Variants in HUNK observed in about 807,000 individuals in gnomAD.
The protein encoded by HUNK is hormonally up-regulated neu tumor-associated kinase.
A neutral mutation model predicts 61.0 loss-of-function variants in HUNK; 21 were observed. The observed-to-expected ratio is 0.34, with a 90% CI of 0.24 to 0.50. The LOEUF is 0.50. Among genes scored for constraint, HUNK ranks in the 20% least tolerant of loss-of-function variants. The probability of loss-of-function intolerance (pLI) is 0.98; values close to 1 mark genes in which losing one functional copy is unlikely to be tolerated. For missense variants in HUNK, 772 were observed against 945.7 expected (o/e 0.82, Z 2.41); for synonymous variants, 371 against 386.1 (o/e 0.96, Z 0.46).
At chr21:31,925,336 G>A (rs1168998373) in intron 2 of HUNK, among the ~76,000 whole-genome samples, 1 of 152,188 alleles carries the variant, frequency 6.6e-6, no homozygotes, top group East Asian at 1.9e-4. Context: ...CTCAGTTGGA[G>A]TAAAGGTCAA....
intron 6 of HUNK, 84 bp downstream of exon 6, chr21:31,968,469 C>A: frequency 6.5e-7 from 1 of 1,529,854 alleles, no homozygotes; most frequent in South Asian, 1.2e-5. Context: ...AGAAAGCTGT[C>A]CGTGATTGAA....
intron 1 of HUNK, among the ~76,000 whole-genome samples, chr21:31,911,938 A>G (rs975505837): frequency 1.3e-4 from 19 of 145,780 alleles, no homozygotes; most frequent in African/African-American, 4.8e-4. Flanking sequence ...GACGATAGTC[A>G]CTGCCTTGGG....
chr21:31,949,725 A>T (rs1009446316), intron 4 of HUNK, among the ~76,000 whole-genome samples: 2 of 152,200 alleles, frequency 1.3e-5, no homozygotes, highest in Non-Finnish European at 2.9e-5. Context: ...TATTTGGCTC[A>T]TGGTTCTGCA....
At chr21:31,992,508 G>A (rs2053178112) in intron 9 of HUNK, among the ~76,000 whole-genome samples, 1 of 152,322 alleles carries the variant, frequency 6.6e-6, no homozygotes. Flanking sequence ...ATCTGCCTTG[G>A]GGGATTTGGA....
chr21:31,881,620 A>C (rs1358931215), intron 1 of HUNK, among the ~76,000 whole-genome samples: 1 of 152,260 alleles, frequency 6.6e-6, no homozygotes, highest in South Asian at 2.1e-4. Flanking sequence ...CAAAAACTCC[A>C]TAACAACAGC....
intron 1 of HUNK, among the ~76,000 whole-genome samples, chr21:31,882,084 G>A (rs536132910): frequency 5.6e-4 from 85 of 152,220 alleles, no homozygotes; most frequent in African/African-American, 1.9e-3. Flanking sequence ...CCCATCACTC[G>A]TGAGTGGTGG....
chr21:31,964,132 T>C (rs2052947559), intron 5 of HUNK, among the ~76,000 whole-genome samples: 1 of 152,180 alleles, frequency 6.6e-6, no homozygotes, highest in Admixed American at 6.5e-5. Flanking sequence ...TATAATACAT[T>C]CCAAGCAGTC....
chr21:32,002,742 GCTTC>G lies in HUNK; in HGVS notation c.*3563_*3566del, dbSNP rs2053254631. On this transcript the variant is annotated 3_prime_UTR_variant, in exon 11 of 11. Transcript: ENST00000270112. ...ACCTCTTGAAATTGTCCCAGTTACT[GCTTC>G]CTTCATAACTGTTCACAAAACGTTT... 1 of 152,148 alleles carries G rather than the reference GCTTC, an allele frequency of 6.6e-6. No homozygotes were observed. Among genetic ancestry groups the G allele is most frequent in the Admixed American group, 6.5e-5 (1 of 15,268 alleles). 9.4% of individuals were successfully genotyped at this position (152,148 alleles called of 1,614,324 possible).
intron 7 of HUNK, among the ~76,000 whole-genome samples, chr21:31,981,216 GTC>G (rs1236852420): frequency 1.3e-4 from 20 of 152,280 alleles, no homozygotes; most frequent in Admixed American, 1.0e-3. Context: ...TGGTCTATGT[GTC>G]TCTGTTTTTA....
intron 4 of HUNK, among the ~76,000 whole-genome samples, chr21:31,956,713 C>A (rs562208044): frequency 6.6e-6 from 1 of 152,166 alleles, no homozygotes. Flanking sequence ...CTTTCTGTTG[C>A]GTGCCATCAT....
At position 31,974,628 on chromosome 21, in the gene HUNK, G is replaced by A. The variant is rs765995957; in HGVS notation, c.1084G>A (p.Val362Met). Residue 362 changes from valine (V) to methionine (M), a missense_variant, in exon 7 of 11, where the codon GTG becomes ATG. Val to Met is a conservative substitution (Grantham distance 21). This residue lies in a region of HUNK where 359 missense variants were observed against 501.3 expected (regional missense o/e 0.72). Transcript: ENST00000270112. ...TEKLGYKNSD[V>M]INTVLSNRAC... The stretch of plus-strand genomic sequence containing the variant: ...GAAGCTGGGTTACAAGAACAGCGAC[G>A]TGATCAACACTGTGCTCTCCAACCG... 4 of 1,613,916 alleles carry A rather than the reference G, an allele frequency of 2.5e-6. No individual in the cohort carries two copies. The highest frequency in any genetic ancestry group is 1.3e-5 in the African/African-American group (1 of 74,966).
intron 1 of HUNK, among the ~76,000 whole-genome samples, chr21:31,916,709 C>T (rs1297785126): frequency 1.3e-5 from 2 of 150,988 alleles, no homozygotes; most frequent in East Asian, 3.9e-4. Context: ...TGGAGTCTTG[C>T]TCTGTCACCC....
rs185724295 is a variant in HUNK at position 31,958,791 on chromosome 21, C to G, written c.747-52C>G. On this transcript the variant is annotated intron_variant, in intron 4 of 10. Coordinates refer to ENST00000270112, the MANE Select transcript of HUNK (RefSeq NM_014586.2). ...CGGTGAAGCCCGTGTCCCCAGTCTT[C>G]CCCTCCCCAGGGGACCTGACTCCGC... 2.3e-5 allele frequency: 35 copies of G among 1,510,800 alleles called. No individual in the cohort carries two copies. In the Middle Eastern group the frequency reaches 5.9e-4, roughly 26 times the overall value. 93.6% of individuals were successfully genotyped at this position (1,510,800 alleles called of 1,614,324 possible). A position where few individuals can be genotyped will look rare whatever the true frequency, so the allele number is the denominator to read the frequency against.
intron 7 of HUNK, among the ~76,000 whole-genome samples, chr21:31,977,276 T>G (rs184366838): frequency 7.7e-4 from 117 of 152,296 alleles, no homozygotes; most frequent in African/African-American, 2.6e-3. Context: ...GACACCACCA[T>G]GCTATAGAGG....
chr21:31,957,046 G>T (rs577710333), intron 4 of HUNK, among the ~76,000 whole-genome samples: 156 of 152,254 alleles, frequency 1.0e-3, no homozygotes, highest in Non-Finnish European at 1.7e-3. Context: ...CTACCTGTGT[G>T]GCATGTTCCC....
intron 1 of HUNK, among the ~76,000 whole-genome samples, chr21:31,919,694 C>T (rs749159179): frequency 2.6e-5 from 4 of 152,080 alleles, no homozygotes; most frequent in Admixed American, 2.0e-4. Flanking sequence ...AGAGGGAGTT[C>T]GTGAAGACTC....
chr21:31,890,496 C>G (rs2052379787), intron 1 of HUNK, among the ~76,000 whole-genome samples: 2 of 152,206 alleles, frequency 1.3e-5, no homozygotes, highest in South Asian at 4.1e-4. Context: ...TCCCAAAGTG[C>G]TGGGATTACA....
chr21:31,930,503 C>A (rs898987161), intron 2 of HUNK, among the ~76,000 whole-genome samples: 1 of 152,206 alleles, frequency 6.6e-6, no homozygotes, highest in Non-Finnish European at 1.5e-5. Flanking sequence ...GCTCCAGGCT[C>A]ACCTTCTCTG....
At chr21:31,901,473 A>G (rs1382329539) in intron 1 of HUNK, among the ~76,000 whole-genome samples, 3 of 152,160 alleles carry the variant, frequency 2.0e-5, no homozygotes, top group Admixed American at 6.5e-5. Flanking sequence ...GGTGGCAGGA[A>G]TGATGAGCTT....
Sources: allele counts gnomAD v4.1 joint callset (sites outside exome capture counted in the v4.1 genomes callset), GRCh38; gene constraint gnomAD v4.1.1; regional missense constraint gnomAD v4.1.1; transcripts MANE v1.5; gene names NCBI Gene and HGNC (gene_info 2026-07-23, HGNC 2026-07-21).